MACROD2: variants seen among roughly 807,000 people sequenced by gnomAD.
MACROD2 encodes the protein mono-ADP ribosylhydrolase 2, also known as ADP-ribose glycohydrolase MACROD2.
Under a neutral mutation model 70.4 loss-of-function variants are expected in MACROD2, and 36 were observed. That is an observed-to-expected ratio of 0.51 (90% CI 0.39 to 0.68). The LOEUF is 0.68. Among genes scored for constraint, MACROD2 ranks in the 30% least tolerant of loss-of-function variants. MACROD2 has a pLI of 0.00. For synonymous variants in MACROD2, 172 were observed against 178.8 expected, an observed-to-expected ratio of 0.96 and a Z score of 0.30; for missense variants, 496 against 538.4, an observed-to-expected ratio of 0.92 and a Z score of 0.78.
At chr20:15,551,138 G>A (rs1041973760) in intron 8 of MACROD2, among the ~76,000 whole-genome samples, 1 of 152,016 alleles carries the variant, frequency 6.6e-6, no homozygotes, top group Non-Finnish European at 1.5e-5. Flanking sequence ...AGGTTCAGCT[G>A]CTCCATTTAT....
At chr20:15,171,183 C>T (rs1360852679) in intron 5 of MACROD2, among the ~76,000 whole-genome samples, 1 of 152,056 alleles carries the variant, frequency 6.6e-6, no homozygotes, top group Admixed American at 6.6e-5. Flanking sequence ...CTTAGACTGG[C>T]CTATTTCATC....
intron 8 of MACROD2, among the ~76,000 whole-genome samples, chr20:15,536,329 A>G (rs1019849795): frequency 3.3e-5 from 5 of 152,206 alleles, no homozygotes; most frequent in African/African-American, 1.2e-4. Flanking sequence ...CTTGGCACAA[A>G]TGAAGAGACC....
chr20:15,660,892 C>T (rs541547896), intron 8 of MACROD2, among the ~76,000 whole-genome samples: 215 of 152,212 alleles, frequency 1.4e-3, no homozygotes, highest in South Asian at 6.0e-3. Context: ...AAATTTTTTT[C>T]ACTTTGTACT....
intron 7 of MACROD2, among the ~76,000 whole-genome samples, chr20:15,480,925 G>A (rs1318390197): frequency 6.6e-6 from 1 of 152,102 alleles, no homozygotes; most frequent in East Asian, 1.9e-4. Context: ...GTGTCTCCAT[G>A]TATCTTGCCT....
chr20:15,658,128 ATAAT>A (rs1336631973), intron 8 of MACROD2, among the ~76,000 whole-genome samples: 5 of 151,652 alleles, frequency 3.3e-5, no homozygotes, highest in African/African-American at 1.2e-4. Context: ...TAATTAAATA[ATAAT>A]TCATTAATAA....
intron 3 of MACROD2, among the ~76,000 whole-genome samples, chr20:14,115,703 G>A: frequency 6.6e-6 from 1 of 152,048 alleles, no homozygotes; most frequent in Admixed American, 6.6e-5. Flanking sequence ...AACAGTTTTG[G>A]GACTTGAAGA....
At chr20:15,596,513 T>A (rs1290212682) in intron 8 of MACROD2, among the ~76,000 whole-genome samples, 2 of 152,234 alleles carry the variant, frequency 1.3e-5, no homozygotes, top group African/African-American at 4.8e-5. Context: ...TTTGGTCAAC[T>A]TCCTCCATAA....
intron 5 of MACROD2, among the ~76,000 whole-genome samples, chr20:14,714,377 C>G (rs1000559927): frequency 4.6e-5 from 7 of 152,162 alleles, no homozygotes; most frequent in Non-Finnish European, 1.5e-5. Flanking sequence ...CTACCCAGAT[C>G]CACTTTTGTC....
At chr20:14,558,709 A>T (rs867353198) in intron 4 of MACROD2, among the ~76,000 whole-genome samples, 3 of 151,832 alleles carry the variant, frequency 2.0e-5, no homozygotes, top group Middle Eastern at 6.8e-3. Flanking sequence ...ATTACATCTA[A>T]ATTTTCTTAA....
intron 8 of MACROD2, among the ~76,000 whole-genome samples, chr20:15,539,607 C>T (rs939453882): frequency 5.9e-5 from 9 of 152,158 alleles, no homozygotes; most frequent in Non-Finnish European, 8.8e-5. Flanking sequence ...TTTCTTTTTG[C>T]CTCTCTAGTT....
At chr20:14,546,966 C>T (rs757496815) in intron 4 of MACROD2, among the ~76,000 whole-genome samples, 9 of 151,350 alleles carry the variant, frequency 5.9e-5, no homozygotes, top group Non-Finnish European at 8.8e-5. Context: ...TATTTTTAAA[C>T]GTTGGGTCCA....
At chr20:14,358,006 A>G (rs912905931) in intron 3 of MACROD2, among the ~76,000 whole-genome samples, 26 of 152,174 alleles carry the variant, frequency 1.7e-4, no homozygotes, top group Admixed American at 9.2e-4. Flanking sequence ...GAAACATTCA[A>G]CTTGTCTTTG....
intron 17 of MACROD2, among the ~76,000 whole-genome samples, chr20:16,047,913 C>A (rs2067405672): frequency 6.6e-6 from 1 of 152,088 alleles, no homozygotes; most frequent in Admixed American, 6.5e-5. Flanking sequence ...ACTTCTAGCT[C>A]AAGAAATTAA....
chr20:14,327,883 C>G (rs2082764159), intron 3 of MACROD2, among the ~76,000 whole-genome samples: 1 of 152,002 alleles, frequency 6.6e-6, no homozygotes, highest in Non-Finnish European at 1.5e-5. Context: ...TTTAGACAGT[C>G]ACTGATCAAG....
intron 8 of MACROD2, among the ~76,000 whole-genome samples, chr20:15,677,704 C>CAAA (rs57524604): frequency 1.3e-5 from 1 of 75,354 alleles, no homozygotes; most frequent in Non-Finnish European, 3.9e-5. Context: ...ACCAACCAAC[C>CAAA]AAATACATCC....
chr20:14,314,018 A>G (rs559879804), intron 3 of MACROD2, among the ~76,000 whole-genome samples: 7 of 152,200 alleles, frequency 4.6e-5, no homozygotes, highest in Non-Finnish European at 1.0e-4. Context: ...CCTGGTGCTT[A>G]TACACTGATA....
intron 3 of MACROD2, among the ~76,000 whole-genome samples, chr20:14,439,736 C>T (rs1182025867): frequency 3.3e-5 from 5 of 152,104 alleles, no homozygotes; most frequent in Non-Finnish European, 4.4e-5. Flanking sequence ...AGTTAAATCA[C>T]TTAAAACACT....
At chr20:14,458,380 G>A (rs2123007603) in intron 3 of MACROD2, among the ~76,000 whole-genome samples, 1 of 152,206 alleles carries the variant, frequency 6.6e-6, no homozygotes, top group South Asian at 2.1e-4. Flanking sequence ...AATGAGATGA[G>A]GAATGACTGG....
rs1032453492 is a variant in MACROD2, at chr20:14,916,114, C to T, written c.418+231155C>T. Among the ~76,000 whole-genome samples the T allele has an allele frequency of 2.0e-5, 3 of 152,188 alleles. 1 individual carries two copies. The highest frequency in any genetic ancestry group is 4.4e-5 in the Non-Finnish European group (3 of 68,030). On this transcript the variant is annotated intron_variant, in intron 5 of 17. Coordinates refer to ENST00000684519, the MANE Select transcript of MACROD2 (RefSeq NM_001351661.2). ...ATTTCTTTTCTCTGCTGAGGCTCCTCATCCTATGGTGCCCACTTTACTCTC... is the reference window on the plus strand; with the variant it reads ...ATTTCTTTTCTCTGCTGAGGCTCCTTATCCTATGGTGCCCACTTTACTCTC...
Sources: allele counts gnomAD v4.1 joint callset (sites outside exome capture counted in the v4.1 genomes callset), GRCh38; gene constraint gnomAD v4.1.1; transcripts MANE v1.5; gene names NCBI Gene and HGNC (gene_info 2026-07-23, HGNC 2026-07-21).